ACOT11: variants seen among roughly 807,000 people sequenced by gnomAD.
ACOT11 encodes the protein acyl-coenzyme A thioesterase 11.
In ACOT11, 69 loss-of-function variants were observed where a neutral mutation model predicts 77.5. The ratio of observed to expected loss-of-function variants is 0.89; its 90% CI spans 0.73 to 1.09. The LOEUF is 1.09. ACOT11 is among the 50% of genes least tolerant of loss of function. ACOT11 has a pLI of 0.00. For missense variants in ACOT11, 766 were observed against 813.7 expected, an observed-to-expected ratio of 0.94 and a Z score of 0.71; for synonymous variants, 279 against 313.0, an observed-to-expected ratio of 0.89 and a Z score of 1.15.
chr1:54,609,214 C>T lies in ACOT11; in HGVS notation c.*102C>T. 3.8e-6 allele frequency: 6 copies of T among 1,590,540 alleles called. No homozygotes were observed. The South Asian group carries it at 4.6e-5, about 12-fold the overall frequency. On this transcript the variant is annotated 3_prime_UTR_variant, in exon 16 of 16. Coordinates refer to ENST00000343744, the MANE Select transcript of ACOT11 (RefSeq NM_147161.4). ...GCCAAAGACCTTTATTTCTTCCTGC[C>T]TCCCCGTGGGAAGCCTCCGCCCTGA...
intron 15 of ACOT11, among the ~76,000 whole-genome samples, chr1:54,618,948 G>C (rs1360681491): frequency 6.6e-6 from 1 of 152,188 alleles, no homozygotes; most frequent in East Asian, 1.9e-4. Flanking sequence ...TGCTTAACTA[G>C]TGTAAGGGGC....
chr1:54,623,358 T>C (rs781445256), intron 15 of ACOT11: 1 of 1,613,552 alleles, frequency 6.2e-7, no homozygotes, highest in Non-Finnish European at 8.5e-7. Context: ...AAACACCCAC[T>C]TGACCTGATT....
intron 1 of ACOT11, among the ~76,000 whole-genome samples, chr1:54,559,410 T>C (rs1381577700): frequency 2.0e-5 from 3 of 152,202 alleles, no homozygotes; most frequent in Non-Finnish European, 4.4e-5. Flanking sequence ...GAGCTGCTCA[T>C]CACTCGGCCC....
At chr1:54,620,845 CAAAAAA>C (rs767625864) in intron 15 of ACOT11, among the ~76,000 whole-genome samples, 20 of 12,114 alleles carry the variant, frequency 1.7e-3, no homozygotes, top group South Asian at 4.3e-3. Context: ...GAGACTCTGT[CAAAAAA>C]AAAAAAAAAA....
In ACOT11 at chr1:54,551,130, C is replaced by CAA. The variant is rs11367325; in HGVS notation, c.33+2806_33+2807dup. Among the ~76,000 whole-genome samples, 226 of 90,848 alleles carry CAA rather than the reference C, an allele frequency of 2.5e-3. 1 individual carries two copies. The highest frequency in any genetic ancestry group is 3.0e-3 in the Admixed American group (23 of 7,552). The allele number at this position is 90,848 out of a possible 152,430, so 59.6% of individuals were successfully genotyped here. A position where few individuals can be genotyped will look rare whatever the true frequency, so the allele number is the denominator to read the frequency against. On this transcript the variant is annotated intron_variant, in intron 1 of 15. Coordinates refer to ENST00000343744, the MANE Select transcript of ACOT11 (RefSeq NM_147161.4). ...ACTCCAGCCTGGGCGACAGTGGTCTCAAAAAAAAAAAAAAAAAAAGAAAAA... is the reference window on the plus strand; with the variant it reads ...ACTCCAGCCTGGGCGACAGTGGTCTCAAAAAAAAAAAAAAAAAAAAAGAAAAA...
At chr1:54,569,860 A>G (rs1016297486) in intron 1 of ACOT11, among the ~76,000 whole-genome samples, 1 of 152,174 alleles carries the variant, frequency 6.6e-6, no homozygotes, top group African/African-American at 2.4e-5. Flanking sequence ...ATGTGTTACA[A>G]CCTTTCAAGT....
intron 15 of ACOT11, chr1:54,623,329 A>T: frequency 6.2e-7 from 1 of 1,614,116 alleles, no homozygotes; most frequent in South Asian, 1.1e-5. Flanking sequence ...ACCACCACAG[A>T]CACACAGGTA....
chr1:54,605,026 T>C, intron 12 of ACOT11, 50 bp from the exon 13 acceptor site: 1 of 1,565,138 alleles, frequency 6.4e-7, no homozygotes, highest in Non-Finnish European at 8.7e-7. Flanking sequence ...AGCATCCCCA[T>C]CAGTCCACTC....
intron 15 of ACOT11, among the ~76,000 whole-genome samples, chr1:54,624,115 G>A (rs1005332928): frequency 6.6e-6 from 1 of 152,170 alleles, no homozygotes; most frequent in Non-Finnish European, 1.5e-5. Context: ...AGGGAGTTCT[G>A]GGGGCCCTGG....
intron 15 of ACOT11, among the ~76,000 whole-genome samples, chr1:54,627,418 C>G (rs1200810671): frequency 7.4e-6 from 1 of 134,562 alleles, no homozygotes; most frequent in Non-Finnish European, 1.7e-5. Context: ...GGAACCGACT[C>G]CAAGCTGTGA....
rs916283583 is a variant in ACOT11, at chr1:54,584,953, G to A, written c.241+91G>A. On this transcript the variant is annotated intron_variant, in intron 2 of 15. Transcript: ENST00000343744. The surrounding 1 kb of genome is among the most constrained non-coding windows in gnomAD (Gnocchi z 6.3). ...GAGATGGTCACCGTCCACCCTAAGTGCCACACTTGTTTCTCATCTTGGCCT... is the reference window on the plus strand; with the variant it reads ...GAGATGGTCACCGTCCACCCTAAGTACCACACTTGTTTCTCATCTTGGCCT... The A allele has an allele frequency of 5.2e-6, 7 of 1,347,276 alleles. No homozygotes were observed. The highest frequency in any genetic ancestry group is 4.4e-5 in the Admixed American group (2 of 45,948). 83.5% of individuals were successfully genotyped at this position (1,347,276 alleles called of 1,614,324 possible).
rs750281797 is a variant in ACOT11, at chr1:54,623,402, G to A, written c.1630-7332G>A. 6.2e-5 allele frequency: 100 copies of A among 1,607,254 alleles called. 1 individual carries two copies. The highest frequency in any genetic ancestry group is 5.4e-4 in the South Asian group (49 of 90,856). On this transcript the variant is annotated intron_variant, in intron 15 of 16. Coordinates refer to the ACOT11 transcript ENST00000371316. Reference sequence around the variant, plus strand: ...ACTGCTCCCTGCAGACCATGGCGACGCTCTCTGGGGAATGCCCCCAACTCC... The same window carrying A: ...ACTGCTCCCTGCAGACCATGGCGACACTCTCTGGGGAATGCCCCCAACTCC...
chr1:54,579,661 C>G (rs1361679419), intron 1 of ACOT11, among the ~76,000 whole-genome samples: 1 of 152,204 alleles, frequency 6.6e-6, no homozygotes, highest in Non-Finnish European at 1.5e-5. Context: ...GCCTGGCCCA[C>G]AACTCTGGAG....
chr1:54,607,938 T>C lies in ACOT11; in HGVS notation c.1503-4T>C. On this transcript the variant is annotated splice_polypyrimidine_tract_variant and splice_region_variant and intron_variant, in intron 14 of 15. Transcript: ENST00000343744. This position sits in a 1 kb window ranked among gnomAD's most constrained non-coding sequence, Gnocchi z 4.5. ...TGTCCCCTTGCTACCCTTCCTTCACTCAGGGACCCCTATGTCATCGCGCTG... is the reference window on the plus strand; with the variant it reads ...TGTCCCCTTGCTACCCTTCCTTCACCCAGGGACCCCTATGTCATCGCGCTG... 1 of 1,613,680 alleles carries C rather than the reference T, an allele frequency of 6.2e-7. No individual in the cohort carries two copies. Among genetic ancestry groups the C allele is most frequent in the Non-Finnish European group, 8.5e-7 (1 of 1,179,860 alleles).
At chr1:54,616,047 C>T in intron 15 of ACOT11, 1 of 1,614,044 alleles carries the variant, frequency 6.2e-7, no homozygotes, top group South Asian at 1.1e-5. Context: ...AGCACAGCGT[C>T]CAGCCACTGC....
chr1:54,592,676 T>C, intron 4 of ACOT11, 70 bp downstream of exon 4: 1 of 1,535,086 alleles, frequency 6.5e-7, no homozygotes, highest in Non-Finnish European at 9.0e-7. Context: ...TCCATTCTTC[T>C]CCCTGCAGCC....
At chr1:54,632,517 T>A (rs1644305302) in intron 16 of ACOT11, among the ~76,000 whole-genome samples, 1 of 152,212 alleles carries the variant, frequency 6.6e-6, no homozygotes, top group African/African-American at 2.4e-5. Context: ...AATTGTTACA[T>A]CTACTTCTGT....
intron 16 of ACOT11, among the ~76,000 whole-genome samples, chr1:54,631,783 C>T (rs576077927): frequency 1.3e-5 from 2 of 152,284 alleles, no homozygotes; most frequent in South Asian, 2.1e-4. Flanking sequence ...ACAGGAGTCT[C>T]TTAAAAAGAT....
At chr1:54,595,207 G>A (rs148356148) in intron 6 of ACOT11, among the ~76,000 whole-genome samples, 2,497 of 152,120 alleles carry the variant, frequency 0.016, 34 homozygotes, top group Non-Finnish European at 0.027. Flanking sequence ...TTAGCTGGGT[G>A]TAGTGGCGTG....
Sources: gnomAD v4.1 joint callset for allele counts (sites outside exome capture counted in the v4.1 genomes callset) on GRCh38, gnomAD v4.1.1 for gene constraint, Gnocchi (gnomAD v3.1) non-coding constraint, MANE v1.5 for transcripts, NCBI Gene and HGNC (gene_info 2026-07-23, HGNC 2026-07-21) for gene names.